EML4: variants seen among roughly 807,000 people sequenced by gnomAD.
EML4 encodes the protein EMAP like 4.
Under a neutral mutation model 129.0 loss-of-function variants are expected in EML4, and 72 were observed. The observed-to-expected ratio is 0.56, with a 90% CI of 0.46 to 0.68. The LOEUF (loss-of-function observed/expected upper bound fraction) is 0.68, where lower values mean the gene tolerates loss of function less well. Ranked by LOEUF, EML4 falls within the 30% of genes least tolerant of loss-of-function variation. The probability of loss-of-function intolerance (pLI) is 0.00; values close to 1 mark genes in which losing one functional copy is unlikely to be tolerated. For synonymous variants in EML4, 532 were observed against 405.0 expected, an observed-to-expected ratio of 1.31 and a Z score of -3.77; for missense variants, 1,363 against 1,190.6, an observed-to-expected ratio of 1.14 and a Z score of -2.13.
At chr2:42,186,061 G>T (rs1354186392) in intron 1 of EML4, among the ~76,000 whole-genome samples, 1 of 152,160 alleles carries the variant, frequency 6.6e-6, no homozygotes, top group Admixed American at 6.5e-5. Context: ...AACTGTAAGT[G>T]GGATAACTGG....
chr2:42,201,548 T>G (rs989164366), intron 1 of EML4, among the ~76,000 whole-genome samples: 6 of 152,196 alleles, frequency 3.9e-5, no homozygotes, highest in African/African-American at 1.4e-4. Flanking sequence ...ATGCCTGCAC[T>G]CTCATGTTCA....
chr2:42,284,600 T>C, intron 8 of EML4, 34 bp from the exon 9 acceptor site: 2 of 1,506,178 alleles, frequency 1.3e-6, no homozygotes, highest in Admixed American at 1.8e-5. Context: ...TCATGTTTCC[T>C]GTGTTTAAAA....
At chr2:42,323,805 G>C (rs1278479816) in intron 19 of EML4, among the ~76,000 whole-genome samples, 1 of 150,824 alleles carries the variant, frequency 6.6e-6, no homozygotes, top group African/African-American at 2.4e-5. Context: ...TTAGCGGGGC[G>C]TGGTGATGCG....
intron 1 of EML4, among the ~76,000 whole-genome samples, chr2:42,230,974 A>G (rs1433783146): frequency 3.3e-5 from 5 of 152,064 alleles, no homozygotes; most frequent in East Asian, 1.9e-4. Context: ...CTGTAAATCT[A>G]TTACTCTTAC....
Position 42,249,877 on chromosome 2 carries a change from G to A in EML4, c.208+4190G>A, listed in dbSNP as rs1315956887. Among the ~76,000 whole-genome samples, 5 of 151,872 alleles carry A rather than the reference G, an allele frequency of 3.3e-5. No individual in the cohort carries two copies. In the East Asian group the frequency reaches 5.8e-4, roughly 18 times the overall value. ...TGTCAGAGAATTCTTTCCTTTTGAC[G>A]GCATGTGTTCATAATATATGCACCA... On this transcript the variant is annotated intron_variant, in intron 2 of 22. Transcript: ENST00000318522.
intron 9 of EML4, 191 bp from the exon 10 acceptor site, chr2:42,286,078 C>T: frequency 1.6e-6 from 1 of 623,154 alleles, no homozygotes; most frequent in Non-Finnish European, 2.9e-6. Flanking sequence ...AAGTTATTTG[C>T]TGCTATTTTC....
chr2:42,286,495 T>G lies in EML4; in HGVS notation c.1122+116T>G, dbSNP rs553771305. ...GATAATCCTGAGTTGAAAAATGAGA[T>G]GCTAGCTATTGCTAACATATTAGCT... On this transcript the variant is annotated intron_variant, in intron 10 of 22. Coordinates refer to ENST00000318522, the MANE Select transcript of EML4 (RefSeq NM_019063.5). 5 of 666,256 alleles carry G rather than the reference T, an allele frequency of 7.5e-6. No individual in the cohort carries two copies. The South Asian group carries it at 8.6e-5, about 11-fold the overall frequency. 41.3% of individuals were successfully genotyped at this position (666,256 alleles called of 1,614,324 possible). A position where few individuals can be genotyped will look rare whatever the true frequency, so the allele number is the denominator to read the frequency against.
intron 6 of EML4, among the ~76,000 whole-genome samples, chr2:42,278,937 A>G (rs971899284): frequency 4.5e-5 from 1 of 22,134 alleles, no homozygotes; most frequent in Admixed American, 2.3e-4. Flanking sequence ...ACTCTCTTGG[A>G]AAAAAAAAAA....
intron 1 of EML4, among the ~76,000 whole-genome samples, chr2:42,237,762 A>G (rs1674766687): frequency 6.6e-6 from 1 of 152,218 alleles, no homozygotes; most frequent in Admixed American, 6.5e-5. Context: ...TCATAAGGAA[A>G]ATTCATTTAC....
In EML4 at chr2:42,260,010, G is replaced by A. The variant is rs555770210; in HGVS notation, c.339-1111G>A. Among the ~76,000 whole-genome samples, 12 of 151,330 alleles carry A rather than the reference G, an allele frequency of 7.9e-5. No individual in the cohort carries two copies. The East Asian group carries it at 1.9e-3, about 25-fold the overall frequency. On this transcript the variant is annotated intron_variant, in intron 3 of 22. Transcript: ENST00000318522. ...CTCCCAGAGTGCTGGGATTACAGGC[G>A]TGAGCCACTGTGCCTGGCCAATTTT... is the stretch of plus-strand genomic sequence containing the variant.
chr2:42,284,487 T>G (rs2286704), intron 8 of EML4, 147 bp from the exon 9 acceptor site: 156,347 of 497,228 alleles, frequency 0.31, 26,409 homozygotes, highest in East Asian at 0.56. Flanking sequence ...CTTCAGATAT[T>G]TGATGATTGT....
At chr2:42,193,529 A>G (rs1013146451) in intron 1 of EML4, among the ~76,000 whole-genome samples, 1 of 152,240 alleles carries the variant, frequency 6.6e-6, no homozygotes, top group Non-Finnish European at 1.5e-5. Context: ...GCCAAACCCA[A>G]TCTGATGCTA....
At chr2:42,184,390 C>A (rs1450145837) in intron 1 of EML4, among the ~76,000 whole-genome samples, 1 of 112,996 alleles carries the variant, frequency 8.8e-6, no homozygotes, top group African/African-American at 3.5e-5. Context: ...CCCCCTCCCC[C>A]CACCCCACAA....
At chr2:42,244,756 G>C (rs1675275677) in intron 1 of EML4, among the ~76,000 whole-genome samples, 1 of 152,078 alleles carries the variant, frequency 6.6e-6, no homozygotes, top group Non-Finnish European at 1.5e-5. Flanking sequence ...CTCCCTATCT[G>C]ATACATAAAA....
chr2:42,278,531 G>A (rs953514948), intron 6 of EML4, among the ~76,000 whole-genome samples: 5 of 127,074 alleles, frequency 3.9e-5, no homozygotes, highest in Non-Finnish European at 7.7e-5. Context: ...CCGAGCTCAT[G>A]CGACTGCACT....
intron 1 of EML4, among the ~76,000 whole-genome samples, chr2:42,181,819 G>A (rs1670961525): frequency 6.6e-6 from 1 of 152,042 alleles, no homozygotes. Context: ...TTTTTGCCAA[G>A]GAGCCCTAGT....
chr2:42,192,000 A>G (rs1188012750), intron 1 of EML4, among the ~76,000 whole-genome samples: 2 of 151,760 alleles, frequency 1.3e-5, no homozygotes, highest in Non-Finnish European at 2.9e-5. Flanking sequence ...TTAACCAGGC[A>G]TGGTGGCACA....
At chr2:42,195,588 A>G (rs763396723) in intron 1 of EML4, among the ~76,000 whole-genome samples, 1 of 152,230 alleles carries the variant, frequency 6.6e-6, no homozygotes, top group South Asian at 2.1e-4. Context: ...TATATAGACC[A>G]TTCCATAAAC....
chr2:42,304,939 C>T (rs1668506865), intron 17 of EML4, among the ~76,000 whole-genome samples: 2 of 152,012 alleles, frequency 1.3e-5, no homozygotes, highest in Admixed American at 6.6e-5. Flanking sequence ...GCCAATGTAG[C>T]GAAACCCCGT....
Sources: allele counts gnomAD v4.1 joint callset (sites outside exome capture counted in the v4.1 genomes callset), GRCh38; gene constraint gnomAD v4.1.1; transcripts MANE v1.5; gene names NCBI Gene and HGNC (gene_info 2026-07-23, HGNC 2026-07-21).